RGS8: variants seen among roughly 807,000 people sequenced by gnomAD.
The protein encoded by RGS8 is regulator of G protein signaling 8.
A neutral mutation model predicts 21.7 loss-of-function variants in RGS8; 8 were observed. The observed-to-expected ratio is 0.37, with a 90% CI of 0.22 to 0.66. RGS8 has a LOEUF of 0.66. Ranked by LOEUF, RGS8 falls within the 30% of genes least tolerant of loss-of-function variation. The probability of loss-of-function intolerance (pLI) is 0.59; values close to 1 mark genes in which losing one functional copy is unlikely to be tolerated. For synonymous variants in RGS8, 80 were observed against 83.6 expected (o/e 0.96, Z 0.24); for missense variants, 157 against 217.9 (o/e 0.72, Z 1.76).
the RGS8 span, among the ~76,000 whole-genome samples, chr1:182,746,890 A>G: frequency 2.0e-5 from 3 of 151,800 alleles, no homozygotes; most frequent in Admixed American, 6.6e-5. Context: ...TCTGACCTGC[A>G]TCTCCTATCT....
chr1:182,670,252 C>T (rs1202150986), intron 2 of RGS8, among the ~76,000 whole-genome samples: 3 of 152,226 alleles, frequency 2.0e-5, no homozygotes, highest in Non-Finnish European at 2.9e-5. Flanking sequence ...CCAAGAGAGG[C>T]TTGTCAGGCA....
chr1:182,742,021 C>T, the RGS8 span, among the ~76,000 whole-genome samples: 3 of 147,928 alleles, frequency 2.0e-5, no homozygotes, highest in Admixed American at 6.7e-5. Context: ...CCTCACTTCT[C>T]AGACGGGGCG....
the RGS8 span, among the ~76,000 whole-genome samples, chr1:182,730,635 G>A: frequency 3.3e-5 from 5 of 151,964 alleles, no homozygotes; most frequent in South Asian, 2.1e-4. Flanking sequence ...GCTTGATCCC[G>A]GGAGACGGGG....
intron 5 of RGS8, among the ~76,000 whole-genome samples, chr1:182,663,974 G>C (rs939080309): frequency 6.6e-6 from 1 of 152,178 alleles, no homozygotes; most frequent in Non-Finnish European, 1.5e-5. Context: ...CTGTCAGCTT[G>C]TAACTCCTTA....
upstream of RGS8, among the ~76,000 whole-genome samples, chr1:182,673,234 AT>A (rs1419146502): frequency 6.6e-6 from 1 of 152,178 alleles, no homozygotes; most frequent in African/African-American, 2.4e-5. Context: ...AATGAATTCG[AT>A]TTTTTAAACC....
the RGS8 span, among the ~76,000 whole-genome samples, chr1:182,720,963 G>A: frequency 1.5e-4 from 8 of 53,562 alleles, no homozygotes; most frequent in East Asian, 4.6e-4. Context: ...ACATACATAT[G>A]TGTGTATATA....
the RGS8 span, among the ~76,000 whole-genome samples, chr1:182,726,595 G>A: frequency 7.2e-5 from 11 of 151,832 alleles, no homozygotes; most frequent in African/African-American, 2.4e-4. Flanking sequence ...GCTTGAACCC[G>A]AGAGGCAGAG....
chr1:182,669,857 A>T, intron 2 of RGS8, 105 bp from the exon 4 acceptor site: 1 of 1,265,098 alleles, frequency 7.9e-7, no homozygotes, highest in Non-Finnish European at 1.1e-6. Context: ...CCCCACACAC[A>T]TCCCCCCAGC....
intron 5 of RGS8, 121 bp from the exon 7 acceptor site, chr1:182,648,424 TC>T: frequency 2.0e-6 from 2 of 992,232 alleles, no homozygotes; most frequent in Non-Finnish European, 3.0e-6. Flanking sequence ...TCACTGCTCC[TC>T]CACACCCTCT....
chr1:182,695,815 T>G, the RGS8 span, among the ~76,000 whole-genome samples: 3 of 152,216 alleles, frequency 2.0e-5, no homozygotes, highest in African/African-American at 7.2e-5. Context: ...GTCAATACAC[T>G]ACAGCTTAAT....
intron 5 of RGS8, among the ~76,000 whole-genome samples, chr1:182,655,379 C>T (rs566015240): frequency 6.6e-6 from 1 of 152,182 alleles, no homozygotes; most frequent in Non-Finnish European, 1.5e-5. Context: ...AGAAAAGTCA[C>T]TGAGGAAGGC....
At chr1:182,743,794 C>T in the RGS8 span, among the ~76,000 whole-genome samples, 1 of 152,206 alleles carries the variant, frequency 6.6e-6, no homozygotes, top group Non-Finnish European at 1.5e-5. Context: ...TGTATACACA[C>T]ACAATGCACA....
At chr1:182,680,770 G>T (rs750753737) in intron 1 of RGS8, among the ~76,000 whole-genome samples, 68 of 152,164 alleles carry the variant, frequency 4.5e-4, no homozygotes, top group Non-Finnish European at 2.9e-5. Flanking sequence ...AATGTAGCAC[G>T]GTCCCCGGCA....
chr1:182,669,524 G>A lies in RGS8; in HGVS notation c.26+100C>T, dbSNP rs58923277. ...ACAGATGAAAGTAGACCACGCATGG[G>A]CTCAGAAGGCTTGGGCCAGACTCAA... On this transcript the variant is annotated intron_variant, in intron 3 of 6. Coordinates refer to ENST00000483095, the Ensembl canonical transcript of RGS8. The A allele has an allele frequency of 4.8e-3, 7,475 of 1,559,950 alleles. 321 individuals carry two copies. The African/African-American group carries it at 0.087, about 18-fold the overall frequency.
chr1:182,649,034 AG>A (rs761874882), intron 5 of RGS8, among the ~76,000 whole-genome samples: 14 of 152,120 alleles, frequency 9.2e-5, no homozygotes, highest in Non-Finnish European at 1.9e-4. Flanking sequence ...TGGGGGTCAG[AG>A]GTTGCAGTGA....
chr1:182,671,688 C>G (rs1026280629), exon 2 of RGS8: 2 of 1,614,210 alleles, frequency 1.2e-6, no homozygotes, highest in African/African-American at 2.7e-5. Context: ...GCCTGAGGGT[C>G]TTTGCCAACT....
chr1:182,712,281 T>G, the RGS8 span, among the ~76,000 whole-genome samples: 4 of 152,212 alleles, frequency 2.6e-5, no homozygotes, highest in Non-Finnish European at 4.4e-5. Flanking sequence ...GAAGTAAAGC[T>G]TCTCAGGCAT....
chr1:182,649,378 G>A (rs552133254), intron 5 of RGS8, among the ~76,000 whole-genome samples: 1 of 152,222 alleles, frequency 6.6e-6, no homozygotes, highest in African/African-American at 2.4e-5. Context: ...CTGAAATGCA[G>A]TCGGCAGTTT....
chr1:182,726,443 G>A, the RGS8 span, among the ~76,000 whole-genome samples: 1 of 152,146 alleles, frequency 6.6e-6, no homozygotes, highest in Non-Finnish European at 1.5e-5. Flanking sequence ...GGCCGAGGTA[G>A]GCAAATCATC....
Sources: gnomAD v4.1 joint callset for allele counts (sites outside exome capture counted in the v4.1 genomes callset) on GRCh38, gnomAD v4.1.1 for gene constraint, MANE v1.5 for transcripts, NCBI Gene and HGNC (gene_info 2026-07-23, HGNC 2026-07-21) for gene names.